LRRC53: variants seen among roughly 807,000 people sequenced by gnomAD.
LRRC53 encodes leucine-rich repeat-containing protein 53.
LRRC53 carries 25 observed loss-of-function variants against 13.6 expected under a neutral mutation model. The ratio of observed to expected loss-of-function variants is 1.83; its 90% CI spans 1.34 to 2.56. LRRC53 has a LOEUF of 2.56. Ranked by LOEUF, LRRC53 falls within the 30% of genes most tolerant of loss-of-function variation. The pLI is 0.00. For synonymous variants in LRRC53, 204 were observed against 109.8 expected, an observed-to-expected ratio of 1.86 and a Z score of -5.37; for missense variants, 527 against 275.8, an observed-to-expected ratio of 1.91 and a Z score of -6.45.
chr1:74,532,785 G>A, the LRRC53 span, among the ~76,000 whole-genome samples: 1 of 152,076 alleles, frequency 6.6e-6, no homozygotes, highest in South Asian at 2.1e-4. Flanking sequence ...TCTGATCTTT[G>A]ACAAACCTGA....
chr1:74,470,760 GT>G lies in LRRC53; in HGVS notation c.2861del (p.His954ProfsTer18), dbSNP rs1223588669. The G allele has an allele frequency of 2.5e-6, 1 of 400,436 alleles. No homozygotes were observed. Among genetic ancestry groups the G allele is most frequent in the Non-Finnish European group, 4.4e-6 (1 of 226,156 alleles). The allele number at this position is 400,436 out of a possible 1,614,324, so 24.8% of individuals were successfully genotyped here. ...GTGCATGACTTGAATTTTGCTCTCT[GT>G]GTTGTAAGGCTTCATTTTGGTCTAA... ...YTLDQNEALQ[H>X]REQNSSHAQL... On this transcript the variant is annotated frameshift_variant, in exon 5 of 5. Coordinates refer to ENST00000294635, the MANE Select transcript of LRRC53 (RefSeq NM_001382280.1). LOFTEE classifies it low-confidence loss of function (END_TRUNC).
the LRRC53 span, among the ~76,000 whole-genome samples, chr1:74,534,733 CT>C: frequency 0.42 from 63,823 of 151,948 alleles, 15,371 homozygotes; most frequent in Non-Finnish European, 0.56. Flanking sequence ...CTACAGATTT[CT>C]TTTATATAAG....
Position 74,482,896 on chromosome 1 carries a change from GCAGTT to G in LRRC53, c.88+361_88+365del, listed in dbSNP as rs148107703. Among the ~76,000 whole-genome samples, 584 of 152,260 alleles carry G rather than the reference GCAGTT, an allele frequency of 3.8e-3. 2 individuals carry two copies. The highest frequency in any genetic ancestry group is 0.014 in the African/African-American group (563 of 41,538). On this transcript the variant is annotated intron_variant, in intron 2 of 4. Coordinates refer to ENST00000294635, the MANE Select transcript of LRRC53 (RefSeq NM_001382280.1). ...TTAATCTTACTAATGCTGAACAATTGCAGTTCAGGTTTCTGATTCATTGATATTTC... is the reference window on the plus strand; with the variant it reads ...TTAATCTTACTAATGCTGAACAATTGCAGGTTTCTGATTCATTGATATTTC...
chr1:74,516,951 T>G (rs1388932934), upstream of LRRC53, among the ~76,000 whole-genome samples: 1 of 152,128 alleles, frequency 6.6e-6, no homozygotes, highest in Non-Finnish European at 1.5e-5. Flanking sequence ...TCTACAGAAG[T>G]CTAAAAGAAA....
At position 74,491,996 on chromosome 1, in the gene LRRC53, T is replaced by C. The variant is rs1052600322; in HGVS notation, c.-26-8621A>G. ...CAAGCTGAGTGAATAGAAATTAAAA[T>C]ATGGGAAACCTTGGAATAGAAAGTT... On this transcript the variant is annotated intron_variant, in intron 1 of 4. Coordinates refer to ENST00000294635, the MANE Select transcript of LRRC53 (RefSeq NM_001382280.1). The C allele has an allele frequency of 5.5e-5, 75 of 1,366,808 alleles. No individual in the cohort carries two copies. In the East Asian group the frequency reaches 1.6e-3, roughly 29 times the overall value. The allele number at this position is 1,366,808 out of a possible 1,614,324, so 84.7% of individuals were successfully genotyped here.
Position 74,475,657 on chromosome 1 carries a change from T to TTA in LRRC53, c.1057_1058insTA (p.Tyr353LeufsTer7). The TTA allele has an allele frequency of 4.2e-6, 3 of 717,032 alleles. No homozygotes were observed. The highest frequency in any genetic ancestry group is 5.2e-6 in the Non-Finnish European group (2 of 384,824). 44.4% of individuals were successfully genotyped at this position (717,032 alleles called of 1,614,324 possible). Reference sequence around the variant, plus strand: ...TTCCTGAGTTAAGTGGCAGTTGCAGTATCCCTTAGTGTGGTAATTTCTTGC... The same window carrying TTA: ...TTCCTGAGTTAAGTGGCAGTTGCAGTTAATCCCTTAGTGTGGTAATTTCTTGC... On this transcript the variant is annotated frameshift_variant, in exon 4 of 5. Coordinates refer to ENST00000294635, the MANE Select transcript of LRRC53 (RefSeq NM_001382280.1). LOFTEE classifies it high-confidence loss of function.
chr1:74,517,149 G>A (rs945023296), upstream of LRRC53, among the ~76,000 whole-genome samples: 1 of 151,928 alleles, frequency 6.6e-6, no homozygotes, highest in Non-Finnish European at 1.5e-5. Flanking sequence ...CTCAACACCT[G>A]TGGGCACTTT....
chr1:74,487,999 G>A (rs1406041531), intron 1 of LRRC53, among the ~76,000 whole-genome samples: 1 of 152,148 alleles, frequency 6.6e-6, no homozygotes, highest in Non-Finnish European at 1.5e-5. Flanking sequence ...AAAGGAGTTT[G>A]GAGGACAAGC....
the LRRC53 span, among the ~76,000 whole-genome samples, chr1:74,524,352 T>C: frequency 1.3e-5 from 2 of 152,186 alleles, no homozygotes; most frequent in Non-Finnish European, 2.9e-5. Flanking sequence ...GCCCATTAGA[T>C]AGCAAAGTGC....
chr1:74,475,386 T>G lies in LRRC53; in HGVS notation c.1329A>C (p.Thr443=). Residue 443 remains threonine (T), a synonymous_variant, in exon 4 of 5, where the codon ACA becomes ACC. Transcript: ENST00000294635. ...RAFNEAGLLT[T]YNPRKVQKLW... is the part of the protein sequence containing the mutation. Reference sequence around the variant, plus strand: ...GCTTTTGAACTTTCCTTGGATTATATGTTGTAAGTAAGCCTGCTTCATTAA... The same window carrying G: ...GCTTTTGAACTTTCCTTGGATTATAGGTTGTAAGTAAGCCTGCTTCATTAA... 1.4e-6 allele frequency: 1 copy of G among 717,046 alleles called. No homozygotes were observed. Among genetic ancestry groups the G allele is most frequent in the Non-Finnish European group, 2.6e-6 (1 of 384,822 alleles). 44.4% of individuals were successfully genotyped at this position (717,046 alleles called of 1,614,324 possible).
At chr1:74,509,438 T>A (rs1422043272) in intron 1 of LRRC53, among the ~76,000 whole-genome samples, 1 of 152,236 alleles carries the variant, frequency 6.6e-6, no homozygotes, top group African/African-American at 2.4e-5. Context: ...TTTAAGATGC[T>A]TGAGAACTAA....
At chr1:74,508,295 T>C (rs1366602630) in intron 1 of LRRC53, among the ~76,000 whole-genome samples, 1 of 152,206 alleles carries the variant, frequency 6.6e-6, no homozygotes, top group Non-Finnish European at 1.5e-5. Flanking sequence ...GTAATAATAA[T>C]AGCCATCATA....
chr1:74,533,859 CA>C, the LRRC53 span, among the ~76,000 whole-genome samples: 7 of 152,124 alleles, frequency 4.6e-5, no homozygotes, highest in African/African-American at 1.4e-4. Context: ...GGGAATTGAA[CA>C]ATGAGAAGAC....
chr1:74,513,788 G>A (rs1353101525), upstream of LRRC53, among the ~76,000 whole-genome samples: 1 of 152,172 alleles, frequency 6.6e-6, no homozygotes, highest in Admixed American at 6.5e-5. Flanking sequence ...GTGAATTTCA[G>A]CAAATCTAAT....
At chr1:74,499,494 A>G (rs189628622) in intron 1 of LRRC53, among the ~76,000 whole-genome samples, 144 of 152,262 alleles carry the variant, frequency 9.5e-4, no homozygotes, top group African/African-American at 3.4e-3. Context: ...ATTATTGTCA[A>G]TCTCTCATTG....
At chr1:74,496,348 C>T (rs17095443) in intron 1 of LRRC53, among the ~76,000 whole-genome samples, 3 of 152,154 alleles carry the variant, frequency 2.0e-5, no homozygotes, top group Non-Finnish European at 2.9e-5. Context: ...GTACCACTAA[C>T]TTCTGATCTT....
intron 1 of LRRC53, chr1:74,489,377 C>G (rs61776255): frequency 0.028 from 24,959 of 888,990 alleles, 449 homozygotes; most frequent in Non-Finnish European, 0.036. Flanking sequence ...CATATTTGCC[C>G]TATTCATTAA....
chr1:74,518,873 C>CTTTTTTTTTTTTTT, the LRRC53 span, among the ~76,000 whole-genome samples: 17 of 100,358 alleles, frequency 1.7e-4, 1 homozygote, highest in Admixed American at 4.2e-4. Context: ...TTTTTTTTCC[C>CTTTTTTTTTTTTTT]CTTTTTTTTT....
At chr1:74,481,632 A>C (rs936186941) in intron 2 of LRRC53, among the ~76,000 whole-genome samples, 1 of 152,220 alleles carries the variant, frequency 6.6e-6, no homozygotes, top group Non-Finnish European at 1.5e-5. Flanking sequence ...CCCTCCAATG[A>C]AGTCCATCAT....
Sources: allele counts gnomAD v4.1 joint callset (sites outside exome capture counted in the v4.1 genomes callset), GRCh38; gene constraint gnomAD v4.1.1; transcripts MANE v1.5; gene names NCBI Gene and HGNC (gene_info 2026-07-23, HGNC 2026-07-21).